Variants in IGF2R observed in about 807,000 individuals in gnomAD.
IGF2R encodes cation-independent mannose-6-phosphate receptor.
Under a neutral mutation model 270.6 loss-of-function variants are expected in IGF2R, and 91 were observed. The ratio of observed to expected loss-of-function variants is 0.34; its 90% CI spans 0.28 to 0.40. The LOEUF is 0.40. IGF2R is among the 10% of genes least tolerant of loss of function. The probability of loss-of-function intolerance (pLI) is 1.00; values close to 1 mark genes in which losing one functional copy is unlikely to be tolerated. For missense variants in IGF2R, 2,805 were observed against 3,188.3 expected (o/e 0.88, Z 2.90); for synonymous variants, 1,316 against 1,258.9 (o/e 1.05, Z -0.96).
chr6:160,091,610 C>A (rs1192132992), intron 44 of IGF2R, among the ~76,000 whole-genome samples: 1 of 152,244 alleles, frequency 6.6e-6, no homozygotes, highest in Non-Finnish European at 1.5e-5. Flanking sequence ...CATTCACTTG[C>A]ATAACTCCAC....
chr6:160,020,644 A>G (rs1777411728), intron 4 of IGF2R, among the ~76,000 whole-genome samples: 2 of 152,218 alleles, frequency 1.3e-5, no homozygotes, highest in Admixed American at 1.3e-4. Context: ...AAAGCTGCAT[A>G]CTTACAACCA....
At chr6:160,018,062 G>C (rs367590123) in intron 4 of IGF2R, among the ~76,000 whole-genome samples, 6 of 152,106 alleles carry the variant, frequency 3.9e-5, no homozygotes, top group African/African-American at 1.4e-4. Flanking sequence ...TACAGATTGG[G>C]AGAATGGATT....
In IGF2R at chr6:159,969,298, C is replaced by CGCCCGCA. The variant is rs1783570041; in HGVS notation, c.55_61dup (p.Arg21ProfsTer39). 1 of 1,239,182 alleles carries CGCCCGCA rather than the reference C, an allele frequency of 8.1e-7. No individual in the cohort carries two copies. Among genetic ancestry groups the CGCCCGCA allele is most frequent in the Non-Finnish European group, 1.0e-6 (1 of 988,620 alleles). 76.8% of individuals were successfully genotyped at this position (1,239,182 alleles called of 1,614,324 possible). A position where few individuals can be genotyped will look rare whatever the true frequency, so the allele number is the denominator to read the frequency against. ...CCACCTGGGGCCCGCGCCCGCCCGC[C>CGCCCGCA]GCCCGCAGCGCTCTCTGCTCCTGCT... On this transcript the variant is annotated frameshift_variant, in exon 1 of 48. Coordinates refer to ENST00000356956, the MANE Select transcript of IGF2R (RefSeq NM_000876.4). LOFTEE classifies it high-confidence loss of function.
intron 1 of IGF2R, among the ~76,000 whole-genome samples, chr6:159,969,939 A>AT (rs1783583746): frequency 3.3e-5 from 5 of 149,582 alleles, no homozygotes; most frequent in Admixed American, 6.7e-5. Context: ...CTCTTTAAAG[A>AT]ATATATATAT....
chr6:160,024,618 A>G lies in IGF2R; in HGVS notation c.560A>G (p.Asn187Ser), dbSNP rs376405090. ...GAAGAGTTGAGGAAGCATGATCTCA[A>G]TCCTCTGATCAAGCTTAGTGGTGCC... ...FDEELRKHDL[N>S]PLIKLSGAYL... Residue 187 changes from asparagine to serine, a missense_variant, in exon 5 of 48, where the codon AAT (asparagine) becomes AGT (serine). Asn to Ser is a conservative substitution (Grantham distance 46, BLOSUM62 1). Coordinates refer to ENST00000356956, the MANE Select transcript of IGF2R (RefSeq NM_000876.4). 49 of 1,613,832 alleles carry G rather than the reference A, an allele frequency of 3.0e-5. No individual in the cohort carries two copies. The African/African-American group carries it at 5.3e-4, about 18-fold the overall frequency.
rs1379655459 is a variant in IGF2R at position 159,969,083 on chromosome 6, C to CCGCTGT, written c.-154_-149dup. 21 of 238,450 alleles carry CCGCTGT rather than the reference C, an allele frequency of 8.8e-5. No individual in the cohort carries two copies. Among genetic ancestry groups the CCGCTGT allele is most frequent in the African/African-American group, 3.7e-4 (16 of 42,740 alleles). 14.8% of individuals were successfully genotyped at this position (238,450 alleles called of 1,614,324 possible). On this transcript the variant is annotated 5_prime_UTR_variant, in exon 1 of 48. Transcript: ENST00000356956. ...TGACGCGGTTCCGGGGCCGCCGCTG[C>CCGCTGT]CGCTGTCGCTGTCGCCGAGCCCAGT...
Position 160,086,832 on chromosome 6 carries a change from T to G in IGF2R, c.6206-1201T>G, listed in dbSNP as rs148463837. ...TGGAAAACACTCGGGAAGTGAGCACTGTGCCCATGTTGCCTCCACCGCATG... is the reference window on the plus strand; with the variant it reads ...TGGAAAACACTCGGGAAGTGAGCACGGTGCCCATGTTGCCTCCACCGCATG... On this transcript the variant is annotated intron_variant, in intron 41 of 47. Transcript: ENST00000356956. Among the ~76,000 whole-genome samples, 38 of 152,316 alleles carry G rather than the reference T, an allele frequency of 2.5e-4. 1 individual carries two copies. In the East Asian group the frequency reaches 7.3e-3, roughly 29 times the overall value.
At chr6:160,082,603 C>G (rs2115285637) in intron 39 of IGF2R, among the ~76,000 whole-genome samples, 1 of 151,134 alleles carries the variant, frequency 6.6e-6, no homozygotes, top group Admixed American at 6.6e-5. Context: ...AGCCACCGCG[C>G]CCAGCTATCT....
chr6:160,052,940 A>G (rs888385227), intron 19 of IGF2R, among the ~76,000 whole-genome samples: 1 of 152,220 alleles, frequency 6.6e-6, no homozygotes, highest in Non-Finnish European at 1.5e-5. Context: ...TTCAAGATGG[A>G]TTAAAGACTT....
At chr6:160,101,962 C>T (rs913535777) in intron 45 of IGF2R, among the ~76,000 whole-genome samples, 2 of 152,172 alleles carry the variant, frequency 1.3e-5, no homozygotes, top group Admixed American at 6.5e-5. Flanking sequence ...AGAGAGGAGA[C>T]CCGTCGGGGG....
chr6:160,014,537 T>A (rs3798189), intron 4 of IGF2R, among the ~76,000 whole-genome samples: 13 of 152,046 alleles, frequency 8.6e-5, no homozygotes, highest in Non-Finnish European at 1.6e-4. Flanking sequence ...AGATCTTGCC[T>A]ATGTGGAATC....
At chr6:160,094,156 T>C (rs892196283) in intron 44 of IGF2R, 8 of 403,170 alleles carry the variant, frequency 2.0e-5, no homozygotes, top group African/African-American at 1.4e-4. Flanking sequence ...AACACAAACC[T>C]GCTTTTGGTC....
chr6:160,024,185 G>A (rs967443239), intron 4 of IGF2R, among the ~76,000 whole-genome samples: 3 of 152,080 alleles, frequency 2.0e-5, no homozygotes, highest in Non-Finnish European at 4.4e-5. Flanking sequence ...AGGAGAAGAC[G>A]TGTAGGGACA....
chr6:160,050,734 A>G lies in IGF2R; in HGVS notation c.2694+82A>G, dbSNP rs1286600632. 3 of 1,301,400 alleles carry G rather than the reference A, an allele frequency of 2.3e-6. No homozygotes were observed. The highest frequency in any genetic ancestry group is 3.2e-6 in the Non-Finnish European group (3 of 951,786). 80.6% of individuals were successfully genotyped at this position (1,301,400 alleles called of 1,614,324 possible). A position where few individuals can be genotyped will look rare whatever the true frequency, so the allele number is the denominator to read the frequency against. On this transcript the variant is annotated intron_variant, in intron 19 of 47. Transcript: ENST00000356956. The surrounding 1 kb of genome is among the most constrained non-coding windows in gnomAD (Gnocchi z 4.0). Reference sequence around the variant, plus strand: ...GCCTTATGTGTCTCTTAACAGCAGCAGTCTTGGGGTGGGTGGCGGAGCTAG... The same window carrying G: ...GCCTTATGTGTCTCTTAACAGCAGCGGTCTTGGGGTGGGTGGCGGAGCTAG...
chr6:160,080,310 G>A, intron 39 of IGF2R, 35 bp downstream of exon 39: 1 of 1,602,964 alleles, frequency 6.2e-7, no homozygotes, highest in Non-Finnish European at 8.5e-7. Context: ...CACATGGCCT[G>A]GGGCCTTGAT....
chr6:160,040,288 T>G (rs1043612101), intron 10 of IGF2R, among the ~76,000 whole-genome samples: 1 of 152,108 alleles, frequency 6.6e-6, no homozygotes, highest in Non-Finnish European at 1.5e-5. Context: ...GCCCTTTTAA[T>G]CTTATCTTTG....
At position 160,047,876 on chromosome 6, in the gene IGF2R, C is replaced by G; in HGVS notation, c.2314C>G (p.Pro772Ala). The part of the protein sequence containing the change: ...EEPLECVVTD[P>A]STLEQYDLSS... ...GCCCCTGGAATGCGTAGTGACCGAC[C>G]CCTCCACGCTGGAGCAGTACGACCT... Residue 772 changes from proline to alanine, a missense_variant, in exon 17 of 48, where the codon CCC becomes GCC. Pro to Ala is a conservative substitution (Grantham distance 27, BLOSUM62 -1). This residue lies in a region of IGF2R where 954 missense variants were observed against 981.1 expected (regional missense o/e 0.97). Transcript: ENST00000356956. The G allele has an allele frequency of 6.2e-7, 1 of 1,613,454 alleles. No homozygotes were observed. Among genetic ancestry groups the G allele is most frequent in the Non-Finnish European group, 8.5e-7 (1 of 1,179,378 alleles).
chr6:160,020,776 C>G (rs1029411070), intron 4 of IGF2R, among the ~76,000 whole-genome samples: 14 of 152,136 alleles, frequency 9.2e-5, no homozygotes, highest in Non-Finnish European at 1.9e-4. Context: ...CTATCTCTTA[C>G]CACATATAAA....
intron 2 of IGF2R, among the ~76,000 whole-genome samples, chr6:159,994,608 T>C (rs568791428): frequency 6.6e-6 from 1 of 152,318 alleles, no homozygotes; most frequent in East Asian, 1.9e-4. Flanking sequence ...TACCGCTGCT[T>C]TGCTGTATCC....
Sources: gnomAD v4.1 joint callset for allele counts (sites outside exome capture counted in the v4.1 genomes callset) on GRCh38, gnomAD v4.1.1 for gene constraint, gnomAD v4.1.1 regional missense constraint, Gnocchi (gnomAD v3.1) non-coding constraint, MANE v1.5 for transcripts, NCBI Gene and HGNC (gene_info 2026-07-23, HGNC 2026-07-21) for gene names.